BCL9L: variants seen among roughly 807,000 people sequenced by gnomAD.
The protein encoded by BCL9L is B-cell CLL/lymphoma 9-like protein.
In BCL9L, 19 loss-of-function variants were observed where a neutral mutation model predicts 99.4. That is an observed-to-expected ratio of 0.19 (90% confidence interval 0.13 to 0.28). The LOEUF (loss-of-function observed/expected upper bound fraction) is 0.28. Ranked by LOEUF, BCL9L falls within the 10% of genes least tolerant of loss-of-function variation. The pLI, the probability that BCL9L is intolerant of heterozygous loss-of-function variation, is 1.00. For missense variants in BCL9L, 2,023 were observed against 2,101.6 expected (o/e 0.96, Z 0.73); for synonymous variants, 900 against 854.8 (o/e 1.05, Z -0.92).
At chr11:118,917,059 G>T (rs1443275179) in intron 2 of BCL9L, among the ~76,000 whole-genome samples, 1 of 152,144 alleles carries the variant, frequency 6.6e-6, no homozygotes. Flanking sequence ...AGCTCCCTGG[G>T]CCTTCTCCAG....
chr11:118,898,304 A>ACCCACCCCCCCCCCCC lies in BCL9L; in HGVS notation c.*110_*111insGGGGGGGGGGGGTGGG. The ACCCACCCCCCCCCCCC allele has an allele frequency of 5.2e-6, 1 of 193,448 alleles. No individual in the cohort carries two copies. The highest frequency in any genetic ancestry group is 9.2e-6 in the Non-Finnish European group (1 of 108,398). 12.0% of individuals were successfully genotyped at this position (193,448 alleles called of 1,614,324 possible). Reference sequence around the variant, plus strand: ...CCACTCCCTACACAAGCCCCCTCCCACCCCCTCCACCCCACCCCGCGACCC... The same window carrying ACCCACCCCCCCCCCCC: ...CCACTCCCTACACAAGCCCCCTCCCACCCACCCCCCCCCCCCCCCCCTCCACCCCACCCCGCGACCC... On this transcript the variant is annotated 3_prime_UTR_variant, in exon 10 of 10. Coordinates refer to ENST00000683865, the MANE Select transcript of BCL9L (RefSeq NM_001378213.1).
At chr11:118,924,618 C>T (rs1267352275) in intron 1 of BCL9L, among the ~76,000 whole-genome samples, 1 of 152,122 alleles carries the variant, frequency 6.6e-6, no homozygotes, top group Admixed American at 6.5e-5. Context: ...TACATTCTTC[C>T]CCGAGGGTTC....
intron 5 of BCL9L, among the ~76,000 whole-genome samples, chr11:118,906,051 A>G (rs150424956): frequency 9.2e-5 from 14 of 152,260 alleles, no homozygotes; most frequent in Admixed American, 1.3e-4. Flanking sequence ...TACAAAAATT[A>G]GCCAGGTGTG....
intron 4 of BCL9L, 89 bp from the exon 5 acceptor site, chr11:118,907,691 G>T: frequency 6.4e-7 from 1 of 1,560,172 alleles, no homozygotes; most frequent in Non-Finnish European, 8.6e-7. Context: ...CATTCTCTAA[G>T]ATGCCCCACC....
chr11:118,898,256 A>T lies in BCL9L; in HGVS notation c.*159T>A, dbSNP rs1940005162. 1.9e-6 allele frequency: 2 copies of T among 1,036,090 alleles called. No homozygotes were observed. The highest frequency in any genetic ancestry group is 3.0e-5 in the Admixed American group (1 of 33,462). 64.2% of individuals were successfully genotyped at this position (1,036,090 alleles called of 1,614,324 possible). A position where few individuals can be genotyped will look rare whatever the true frequency, so the allele number is the denominator to read the frequency against. ...CACTGCCACTTCCCCCTAAGCTGCC[A>T]GCACATCTGGTTTCCACAAATGCCA... On this transcript the variant is annotated 3_prime_UTR_variant, in exon 10 of 10. Transcript: ENST00000683865.
At position 118,896,219 on chromosome 11, in the gene BCL9L, A is replaced by G. The variant is rs1226070417; in HGVS notation, c.*2196T>C. ...AGGCAGCACAGAGACCCCCGGAACA[A>G]GCCTAAAAATTGTTTCAAAATAAAA... On this transcript the variant is annotated 3_prime_UTR_variant, in exon 10 of 10. Coordinates refer to ENST00000683865, the MANE Select transcript of BCL9L (RefSeq NM_001378213.1). 1 of 166,818 alleles carries G rather than the reference A, an allele frequency of 6.0e-6. No individual in the cohort carries two copies. The highest frequency in any genetic ancestry group is 1.9e-4 in the East Asian group (1 of 5,208). 10.3% of individuals were successfully genotyped at this position (166,818 alleles called of 1,614,324 possible). A position where few individuals can be genotyped will look rare whatever the true frequency, so the allele number is the denominator to read the frequency against.
Position 118,901,017 on chromosome 11 carries a change from C to A in BCL9L, c.2726G>T (p.Gly909Val), listed in dbSNP as rs199498836. ...PGTVHSAPNR[G>V]LGRRPSDLTI... ...GAGGTCCGAAGGCCGCCTGCCTAGC[C>A]CCCGGTTTGGGGCTGAATGCACGGT... The change falls in exon 8 of 10, where the codon GGG becomes GTG. Residue 909 changes from glycine to valine, a missense_variant. Coordinates refer to ENST00000683865, the MANE Select transcript of BCL9L (RefSeq NM_001378213.1). This position sits in a 1 kb window ranked among gnomAD's most constrained non-coding sequence, Gnocchi z 6.6. 3.8e-6 allele frequency: 6 copies of A among 1,561,144 alleles called. No individual in the cohort carries two copies.
At position 118,908,524 on chromosome 11, in the gene BCL9L, C is replaced by A; in HGVS notation, c.158G>T (p.Gly53Val). 6.2e-7 allele frequency: 1 copy of A among 1,614,146 alleles called. No individual in the cohort carries two copies. The highest frequency in any genetic ancestry group is 8.5e-7 in the Non-Finnish European group (1 of 1,180,020). Reference sequence around the variant, plus strand: ...ATTCTGGTGCTGAGATTGGGCCCCGCCATTCCCTGTCTTGCCATGATTGGT... The same window carrying A: ...ATTCTGGTGCTGAGATTGGGCCCCGACATTCCCTGTCTTGCCATGATTGGT... ...KLTNHGKTGN[G>V]GAQSQHQNVN... The change falls in exon 4 of 10, where the codon GGC (glycine) becomes GTC (valine). Residue 53 changes from glycine (G) to valine (V), a missense_variant. Gly to Val is a moderately radical substitution (Grantham distance 109). This residue lies in a region of BCL9L where 1,116 missense variants were observed against 1,194.6 expected (regional missense o/e 0.93). Transcript: ENST00000683865.
At chr11:118,913,903 A>G (rs540150397) in intron 2 of BCL9L, among the ~76,000 whole-genome samples, 1 of 152,258 alleles carries the variant, frequency 6.6e-6, no homozygotes, top group African/African-American at 2.4e-5. Flanking sequence ...GGCCCAACCT[A>G]GCTCTGGTTT....
chr11:118,925,698 G>A lies in BCL9L; in HGVS notation c.-591C>T, dbSNP rs1410133451. The A allele has an allele frequency of 6.6e-6, 1 of 151,242 alleles. No homozygotes were observed. The highest frequency in any genetic ancestry group is 1.5e-5 in the Non-Finnish European group (1 of 67,792). 9.4% of individuals were successfully genotyped at this position (151,242 alleles called of 1,614,324 possible). A position where few individuals can be genotyped will look rare whatever the true frequency, so the allele number is the denominator to read the frequency against. On this transcript the variant is annotated 5_prime_UTR_variant, in exon 1 of 10. Transcript: ENST00000683865. This position sits in a 1 kb window ranked among gnomAD's most constrained non-coding sequence, Gnocchi z 6.4. ...AGGGGCTGTCTGGGCGCTTATTGTTGGTCGGACTCCGAGGGTCCGGGTCAC... is the reference window on the plus strand; with the variant it reads ...AGGGGCTGTCTGGGCGCTTATTGTTAGTCGGACTCCGAGGGTCCGGGTCAC...
Position 118,925,651 on chromosome 11 carries a change from G to A in BCL9L, c.-544C>T, listed in dbSNP as rs1176489833. On this transcript the variant is annotated 5_prime_UTR_variant, in exon 1 of 10. Coordinates refer to ENST00000683865, the MANE Select transcript of BCL9L (RefSeq NM_001378213.1). The surrounding 1 kb of genome is among the most constrained non-coding windows in gnomAD (Gnocchi z 6.4). ...CCTTTCCTTTCCCCAAAGCCCGCGG[G>A]AATGCCGGGCGCTGGGTGGGGAGGG... The A allele has an allele frequency of 5.6e-5, 4 of 71,910 alleles. No individual in the cohort carries two copies. 4.5% of individuals were successfully genotyped at this position (71,910 alleles called of 1,614,324 possible).
chr11:118,908,941 TC>T (rs1940656465), intron 3 of BCL9L, among the ~76,000 whole-genome samples: 1 of 152,166 alleles, frequency 6.6e-6, no homozygotes, highest in Non-Finnish European at 1.5e-5. Flanking sequence ...TTCACCCACC[TC>T]AGCCCCAAAA....
chr11:118,908,782 GACC>G (rs1940650410), intron 3 of BCL9L, 127 bp from the exon 4 acceptor site: 1 of 705,872 alleles, frequency 1.4e-6, no homozygotes, highest in Non-Finnish European at 2.3e-6. Flanking sequence ...GGTATCTCAA[GACC>G]ACCACCAGCT....
Position 118,901,447 on chromosome 11 carries a change from C to T in BCL9L, c.2296G>A (p.Gly766Arg), listed in dbSNP as rs1330425163. Residue 766 changes from glycine (G) to arginine (R), a missense_variant, in exon 8 of 10, where the codon GGG (glycine) becomes AGG (arginine). Coordinates refer to ENST00000683865, the MANE Select transcript of BCL9L (RefSeq NM_001378213.1). The surrounding 1 kb of genome is among the most constrained non-coding windows in gnomAD (Gnocchi z 6.6). ...SGLREVDPPM[G>R]PGNLNMNMNV... is the part of the protein sequence containing the mutation. The stretch of plus-strand genomic sequence containing the variant: ...ATGTTCATGTTGAGGTTGCCTGGCC[C>T]CATGGGTGGGTCCACCTCCCTCAGC... The T allele has an allele frequency of 1.2e-6, 2 of 1,614,068 alleles. No individual in the cohort carries two copies. Among genetic ancestry groups the T allele is most frequent in the Admixed American group, 1.7e-5 (1 of 60,022 alleles).
At chr11:118,909,255 A>G (rs1244730602) in intron 3 of BCL9L, among the ~76,000 whole-genome samples, 3 of 151,898 alleles carry the variant, frequency 2.0e-5, no homozygotes, top group African/African-American at 7.3e-5. Context: ...AAGCAGGAGG[A>G]AAGGGGGAGG....
chr11:118,899,407 G>A lies in BCL9L; in HGVS notation c.3508C>T (p.Pro1170Ser). The change falls in exon 10 of 10, where the codon CCC (proline) becomes TCC (serine). Residue 1170 changes from proline to serine, a missense_variant. By Grantham distance (74) the Pro-to-Ser change is moderately conservative. Around this residue, in one of 3 missense-constraint regions of BCL9L, gnomAD observed 902 missense variants for 888.2 expected, o/e 1.02. Coordinates refer to ENST00000683865, the MANE Select transcript of BCL9L (RefSeq NM_001378213.1). The stretch of plus-strand genomic sequence containing the variant: ...GGGGAGGGCAGCATGGCGGGCGGGG[G>A]CTCATGGGACAGGGGCTGCTGGCCT... ...LPGQQPLSHE[P>S]PPAMLPSPTP... is the part of the protein sequence containing the mutation. 1.3e-6 allele frequency: 2 copies of A among 1,590,936 alleles called. No homozygotes were observed. The highest frequency in any genetic ancestry group is 8.5e-7 in the Non-Finnish European group (1 of 1,170,646).
At chr11:118,909,127 G>A (rs1183919063) in intron 3 of BCL9L, among the ~76,000 whole-genome samples, 2 of 152,214 alleles carry the variant, frequency 1.3e-5, no homozygotes, top group African/African-American at 4.8e-5. Flanking sequence ...GCACATGCCC[G>A]GGTCTCATTC....
intron 2 of BCL9L, among the ~76,000 whole-genome samples, chr11:118,918,513 G>A (rs538940227): frequency 5.3e-5 from 8 of 152,080 alleles, no homozygotes; most frequent in African/African-American, 1.7e-4. Flanking sequence ...GGGGCGGGTG[G>A]GGGGTGAGAT....
rs763142717 is a variant in BCL9L, at chr11:118,901,805, C to A, written c.1938G>T (p.Met646Ile). The A allele has an allele frequency of 3.7e-6, 6 of 1,610,830 alleles. No individual in the cohort carries two copies. The highest frequency in any genetic ancestry group is 1.7e-5 in the Admixed American group (1 of 59,938). Reference sequence around the variant, plus strand: ...TCTGGGCAAAATTGCTGGGTCCCCCCATAGGGGGCAAGTCTTCGGTCCAGC... The same window carrying A: ...TCTGGGCAAAATTGCTGGGTCCCCCAATAGGGGGCAAGTCTTCGGTCCAGC... Reference protein sequence around the residue: ...GMGWTEDLPPMGGPSNFAQNT... With the variant: ...GMGWTEDLPPIGGPSNFAQNT... The change falls in exon 8 of 10, where the codon ATG (methionine) becomes ATT (isoleucine). Residue 646 changes from methionine (M) to isoleucine (I), a missense_variant. This residue lies in a region of BCL9L where 1,116 missense variants were observed against 1,194.6 expected (regional missense o/e 0.93). Coordinates refer to ENST00000683865, the MANE Select transcript of BCL9L (RefSeq NM_001378213.1). This position sits in a 1 kb window ranked among gnomAD's most constrained non-coding sequence, Gnocchi z 6.6.
Sources: allele counts gnomAD v4.1 joint callset (sites outside exome capture counted in the v4.1 genomes callset), GRCh38; gene constraint gnomAD v4.1.1; regional missense constraint gnomAD v4.1.1; non-coding constraint Gnocchi (gnomAD v3.1); transcripts MANE v1.5; gene names NCBI Gene and HGNC (gene_info 2026-07-23, HGNC 2026-07-21).